CFAP43: variants seen among roughly 807,000 people sequenced by gnomAD.
CFAP43 encodes cilia- and flagella-associated protein 43.
CFAP43 carries 155 observed loss-of-function variants against 218.9 expected under a neutral mutation model. The observed-to-expected ratio is 0.71, with a 90% CI of 0.62 to 0.81. CFAP43 has a LOEUF of 0.81. Among genes scored for constraint, CFAP43 ranks in the 30% least tolerant of loss-of-function variants. The probability of loss-of-function intolerance (pLI) is 0.00; values close to 1 mark genes in which losing one functional copy is unlikely to be tolerated. For synonymous variants in CFAP43, 645 were observed against 681.3 expected (o/e 0.95, Z 0.83); for missense variants, 1,778 against 1,954.3 (o/e 0.91, Z 1.70).
chr10:104,149,733 G>C lies in CFAP43; in HGVS notation c.3661-1735C>G, dbSNP rs2088156467. ...TTCCTCATTATCTTATATGACATGAGGATCTCAGCATACCTTTAAAAAAAT... is the reference window on the plus strand; with the variant it reads ...TTCCTCATTATCTTATATGACATGACGATCTCAGCATACCTTTAAAAAAAT... On this transcript the variant is annotated intron_variant, in intron 28 of 37. Coordinates refer to ENST00000357060, the MANE Select transcript of CFAP43 (RefSeq NM_025145.7). Among the ~76,000 whole-genome samples, 4 of 152,004 alleles carry C rather than the reference G, an allele frequency of 2.6e-5. 1 individual carries two copies. The South Asian group carries it at 8.3e-4, about 32-fold the overall frequency.
chr10:104,184,860 A>C, intron 16 of CFAP43, 156 bp downstream of exon 16: 2 of 796,684 alleles, frequency 2.5e-6, no homozygotes, highest in South Asian at 1.1e-4. Context: ...CCGAGAATGC[A>C]GTGTACGCTT....
chr10:104,213,956 A>T (rs1055462617), intron 4 of CFAP43, among the ~76,000 whole-genome samples: 1 of 152,238 alleles, frequency 6.6e-6, no homozygotes, highest in Non-Finnish European at 1.5e-5. Context: ...AATAGTAAGG[A>T]CAAATAAAAT....
rs2090064943 is a variant in CFAP43 at position 104,187,400 on chromosome 10, C to T, written c.1780G>A (p.Val594Ile). 6.2e-7 allele frequency: 1 copy of T among 1,611,970 alleles called. No homozygotes were observed. Among genetic ancestry groups the T allele is most frequent in the Non-Finnish European group, 8.5e-7 (1 of 1,179,338 alleles). ...ATTTGGTTACTTTGAAAGCCCAAGA[C>T]TGCAGAGGACAGAGCGTGCTCCAAC... Reference protein sequence around the residue: ...YELEHALSSAVLGFQSNQIYG... With the variant: ...YELEHALSSAILGFQSNQIYG... Residue 594 changes from valine to isoleucine, a missense_variant, in exon 14 of 38, where the codon GTC (valine) becomes ATC (isoleucine). Val to Ile is a conservative substitution (Grantham distance 29). This residue lies in a region of CFAP43 where 1,553 missense variants were observed against 1,685.2 expected (regional missense o/e 0.92). Transcript: ENST00000357060.
At chr10:104,168,665 T>A in intron 21 of CFAP43, 79 bp downstream of exon 21, 1 of 1,280,562 alleles carries the variant, frequency 7.8e-7, no homozygotes, top group Admixed American at 1.8e-5. Flanking sequence ...CTGAATTTTC[T>A]TAAATTTATT....
chr10:104,152,755 G>T (rs372813930), intron 27 of CFAP43, 29 bp from the exon 28 acceptor site: 1 of 1,593,600 alleles, frequency 6.3e-7, no homozygotes, highest in East Asian at 2.2e-5. Flanking sequence ...TAAAGTTAAC[G>T]TTTAAGAGTA....
chr10:104,214,309 C>T lies in CFAP43; in HGVS notation c.534G>A (p.Val178=). Reference sequence around the variant, plus strand: ...TACTTCTTTCAATGGTCCACACGCTCACTGTACTTGGACTTGATAAGCACA... The same window carrying T: ...TACTTCTTTCAATGGTCCACACGCTTACTGTACTTGGACTTGATAAGCACA... ...RQLCLSSPST[V]SVWTIERSNQ... The change falls in exon 4 of 38, where the codon GTG becomes GTA. Residue 178 remains valine (V), a synonymous_variant. Coordinates refer to ENST00000357060, the MANE Select transcript of CFAP43 (RefSeq NM_025145.7). 2 of 1,608,316 alleles carry T rather than the reference C, an allele frequency of 1.2e-6. No homozygotes were observed. The highest frequency in any genetic ancestry group is 8.5e-7 in the Non-Finnish European group (1 of 1,177,066).
Position 104,192,188 on chromosome 10 carries a change from CTA to C in CFAP43, c.1546+9_1546+10del. On this transcript the variant is annotated intron_variant, in intron 12 of 37. Coordinates refer to ENST00000357060, the MANE Select transcript of CFAP43 (RefSeq NM_025145.7). ...TCAATATTTTAAATTAATCAGCATTCTATGTTGTACCTGTGAATCCAATAATC... is the reference window on the plus strand; with the variant it reads ...TCAATATTTTAAATTAATCAGCATTCTGTTGTACCTGTGAATCCAATAATC... 6.3e-7 allele frequency: 1 copy of C among 1,576,536 alleles called. No homozygotes were observed. Among genetic ancestry groups the C allele is most frequent in the Non-Finnish European group, 8.7e-7 (1 of 1,153,166 alleles).
chr10:104,145,532 A>G lies in CFAP43; in HGVS notation c.3888T>C (p.Ser1296=), dbSNP rs781570163. ...VMDRSFKKEF[S]EIPGHQVDIL... ...TATCCACTTGATGACCAGGAATTTC[A>G]GAAAATTCCTTTTTAAAGCTGCGAT... The change falls in exon 31 of 38, where the codon TCT becomes TCC. Residue 1296 remains serine (S), a synonymous_variant. Coordinates refer to ENST00000357060, the MANE Select transcript of CFAP43 (RefSeq NM_025145.7). The G allele has an allele frequency of 6.2e-7, 1 of 1,603,478 alleles. No homozygotes were observed. The highest frequency in any genetic ancestry group is 2.2e-5 in the East Asian group (1 of 44,700).
chr10:104,145,594 C>G lies in CFAP43; in HGVS notation c.3856-30G>C, dbSNP rs542245327. 5 of 1,491,782 alleles carry G rather than the reference C, an allele frequency of 3.4e-6. No homozygotes were observed. The African/African-American group carries it at 7.0e-5, about 21-fold the overall frequency. The allele number at this position is 1,491,782 out of a possible 1,614,324, so 92.4% of individuals were successfully genotyped here. On this transcript the variant is annotated intron_variant, in intron 30 of 37. Coordinates refer to ENST00000357060, the MANE Select transcript of CFAP43 (RefSeq NM_025145.7). ...GGACAAACATGACATTTGAGGACTG[C>G]AACTTGGTTTGGAAACCTTTTATTT...
intron 6 of CFAP43, among the ~76,000 whole-genome samples, chr10:104,207,201 A>G (rs2090720167): frequency 6.6e-6 from 1 of 151,922 alleles, no homozygotes; most frequent in African/African-American, 2.4e-5. Flanking sequence ...AACACCTCTA[A>G]CCGAGCAATA....
At chr10:104,223,598 C>T (rs581686) in intron 3 of CFAP43, among the ~76,000 whole-genome samples, 71,748 of 152,028 alleles carry the variant, frequency 0.47, 17,897 homozygotes, top group African/African-American at 0.65. Context: ...TTACAGATTG[C>T]TCTTAGTAAG....
chr10:104,205,575 G>A (rs1439800063), intron 7 of CFAP43, among the ~76,000 whole-genome samples: 3 of 152,120 alleles, frequency 2.0e-5, no homozygotes, highest in African/African-American at 7.2e-5. Flanking sequence ...TAAGTTAAAT[G>A]GGCATTCACA....
intron 13 of CFAP43, 64 bp downstream of exon 13, chr10:104,188,206 A>C: frequency 2.5e-6 from 4 of 1,569,240 alleles, no homozygotes; most frequent in Non-Finnish European, 3.5e-6. Flanking sequence ...AAACAAACCC[A>C]AAAAACAATA....
intron 31 of CFAP43, among the ~76,000 whole-genome samples, chr10:104,144,441 G>A (rs1311523145): frequency 6.6e-6 from 1 of 152,154 alleles, no homozygotes; most frequent in African/African-American, 2.4e-5. Flanking sequence ...ACGAGGTCAG[G>A]AGATCGAGAT....
intron 3 of CFAP43, chr10:104,218,675 C>T (rs2091090019): frequency 2.2e-6 from 1 of 464,726 alleles, no homozygotes; most frequent in Non-Finnish European, 4.3e-6. Flanking sequence ...GAGGTAGTCC[C>T]TGGGTCAGGC....
chr10:104,179,756 T>G, intron 18 of CFAP43, 84 bp downstream of exon 18: 1 of 1,041,818 alleles, frequency 9.6e-7, no homozygotes, highest in Non-Finnish European at 1.4e-6. Flanking sequence ...TCTTCTAACT[T>G]TCCAGTAGGT....
intron 4 of CFAP43, 134 bp downstream of exon 4, chr10:104,214,125 G>C: frequency 1.5e-6 from 1 of 679,756 alleles, no homozygotes; most frequent in Non-Finnish European, 2.2e-6. Flanking sequence ...TAAGCTGAAC[G>C]TATGTGTGTG....
At chr10:104,167,524 C>T (rs530216945) in intron 22 of CFAP43, 97 bp downstream of exon 22, 1 of 846,624 alleles carries the variant, frequency 1.2e-6, no homozygotes, top group South Asian at 2.4e-5. Flanking sequence ...ACATACAATA[C>T]CTAAACTTAA....
chr10:104,188,185 A>G, intron 13 of CFAP43, 85 bp downstream of exon 13: 1 of 1,534,532 alleles, frequency 6.5e-7, no homozygotes, highest in Non-Finnish European at 8.8e-7. Flanking sequence ...TCACATGCCA[A>G]GATAAAAACA....
Sources: gnomAD v4.1 joint callset for allele counts (sites outside exome capture counted in the v4.1 genomes callset) on GRCh38, gnomAD v4.1.1 for gene constraint, gnomAD v4.1.1 regional missense constraint, MANE v1.5 for transcripts, NCBI Gene and HGNC (gene_info 2026-07-23, HGNC 2026-07-21) for gene names.